DAB1: variants seen among roughly 807,000 people sequenced by gnomAD.
The protein encoded by DAB1 is disabled homolog 1.
A neutral mutation model predicts 64.6 loss-of-function variants in DAB1; 15 were observed. That is an observed-to-expected ratio of 0.23 (90% CI 0.16 to 0.36). The LOEUF (loss-of-function observed/expected upper bound fraction) is 0.36. DAB1 is among the 10% of genes least tolerant of loss of function. The probability of loss-of-function intolerance (pLI) is 1.00; values close to 1 mark genes in which losing one functional copy is unlikely to be tolerated. For missense variants in DAB1, 596 were observed against 706.7 expected (o/e 0.84, Z 1.78); for synonymous variants, 235 against 251.9 (o/e 0.93, Z 0.64).
At chr1:58,203,372 C>T (rs1233926294) in intron 4 of DAB1, among the ~76,000 whole-genome samples, 1 of 152,264 alleles carries the variant, frequency 6.6e-6, no homozygotes, top group East Asian at 1.9e-4. Context: ...ATAGACAACA[C>T]CCTCATATTT....
At chr1:57,515,688 T>A (rs1308592678) in intron 7 of DAB1, among the ~76,000 whole-genome samples, 1 of 152,232 alleles carries the variant, frequency 6.6e-6, no homozygotes, top group Admixed American at 6.5e-5. Context: ...GGGTTTCCAG[T>A]TACCATTCAT....
At chr1:57,415,053 C>T (rs1244471394) in intron 1 of DAB1, among the ~76,000 whole-genome samples, 1 of 152,094 alleles carries the variant, frequency 6.6e-6, no homozygotes, top group Non-Finnish European at 1.5e-5. Flanking sequence ...AGCCAAGACA[C>T]TCTTGAGACA....
chr1:57,134,312 C>A (rs577331028), intron 4 of DAB1, among the ~76,000 whole-genome samples: 2 of 152,138 alleles, frequency 1.3e-5, no homozygotes, highest in Admixed American at 6.5e-5. Flanking sequence ...AGGCTGGGCG[C>A]GGTGGCTCAT....
intron 6 of DAB1, among the ~76,000 whole-genome samples, chr1:57,679,846 A>G (rs1387288138): frequency 3.3e-5 from 5 of 152,196 alleles, no homozygotes; most frequent in African/African-American, 1.2e-4. Flanking sequence ...CAGGCACTGT[A>G]CTAAGTTCCT....
At chr1:58,387,717 CTT>C (rs57961202) in intron 3 of DAB1, among the ~76,000 whole-genome samples, 5 of 102,876 alleles carry the variant, frequency 4.9e-5, no homozygotes, top group Admixed American at 9.2e-5. Context: ...TTTTTCTTTT[CTT>C]TTCTTTTTTT....
In DAB1 at chr1:57,215,369, G is replaced by A. The variant is rs115855227; in HGVS notation, c.68-69940C>T. On this transcript the variant is annotated intron_variant, in intron 2 of 14. Coordinates refer to ENST00000371236, the MANE Select transcript of DAB1 (RefSeq NM_001365792.1). Reference sequence around the variant, plus strand: ...CAAACCATTTCCGTTATTTGACACCGCATTCAGAACATGGGAGAAGAGGAA... The same window carrying A: ...CAAACCATTTCCGTTATTTGACACCACATTCAGAACATGGGAGAAGAGGAA... 6.0e-3 allele frequency among the ~76,000 whole-genome samples: 911 copies of A among 152,254 alleles called. 14 individuals are homozygous for A. Among genetic ancestry groups the A allele is most frequent in the African/African-American group, 0.018 (749 of 41,548 alleles).
chr1:57,279,087 G>A (rs897090367), intron 2 of DAB1, among the ~76,000 whole-genome samples: 8 of 152,180 alleles, frequency 5.3e-5, no homozygotes, highest in African/African-American at 1.4e-4. Context: ...GGGAATTTGC[G>A]AAATTTCCTG....
intron 2 of DAB1, among the ~76,000 whole-genome samples, chr1:58,523,042 T>TC (rs1448385126): frequency 6.6e-6 from 1 of 152,186 alleles, no homozygotes; most frequent in Non-Finnish European, 1.5e-5. Context: ...ATAATCAGAA[T>TC]CCTTCTGCTA....
At chr1:57,984,251 AG>A (rs1186370034) in intron 5 of DAB1, among the ~76,000 whole-genome samples, 131 of 148,242 alleles carry the variant, frequency 8.8e-4, no homozygotes, top group Middle Eastern at 3.5e-3. Context: ...AAAGAAAGAA[AG>A]AAAGAAAGAA....
At chr1:57,709,275 C>G (rs1260978391) in intron 6 of DAB1, among the ~76,000 whole-genome samples, 1 of 152,062 alleles carries the variant, frequency 6.6e-6, no homozygotes, top group Non-Finnish European at 1.5e-5. Context: ...CTATTTAATC[C>G]AGTCATGGAG....
chr1:57,092,118 C>T (rs1214555514), intron 4 of DAB1, among the ~76,000 whole-genome samples: 2 of 152,188 alleles, frequency 1.3e-5, no homozygotes, highest in Admixed American at 6.5e-5. Flanking sequence ...TAAACCATGC[C>T]GTTAGAAAGA....
intron 1 of DAB1, among the ~76,000 whole-genome samples, chr1:57,828,091 G>A (rs866531830): frequency 1.3e-5 from 2 of 151,962 alleles, no homozygotes; most frequent in Non-Finnish European, 1.5e-5. Flanking sequence ...GACTACAGGC[G>A]CCCACCACCA....
chr1:58,447,402 CAAAGAT>C (rs1557765045), intron 3 of DAB1, among the ~76,000 whole-genome samples: 2 of 114,010 alleles, frequency 1.8e-5, no homozygotes, highest in East Asian at 3.9e-4. Flanking sequence ...AGAAAGGACA[CAAAGAT>C]AAACTTTCCT....
At chr1:57,037,520 T>C (rs1647210443) in intron 9 of DAB1, among the ~76,000 whole-genome samples, 1 of 152,226 alleles carries the variant, frequency 6.6e-6, no homozygotes, top group South Asian at 2.1e-4. Context: ...AAAATTCAAT[T>C]ATCCATTTAG....
chr1:57,248,079 C>T (rs1669023885), intron 2 of DAB1, among the ~76,000 whole-genome samples: 1 of 152,124 alleles, frequency 6.6e-6, no homozygotes, highest in African/African-American at 2.4e-5. Context: ...TGCTCAAGTC[C>T]CTGACATAAA....
chr1:57,171,592 T>C (rs1308175914), intron 2 of DAB1, among the ~76,000 whole-genome samples: 1 of 152,174 alleles, frequency 6.6e-6, no homozygotes, highest in African/African-American at 2.4e-5. Flanking sequence ...GTTCTTACTG[T>C]CAAATCTTCC....
intron 3 of DAB1, among the ~76,000 whole-genome samples, chr1:58,346,890 CTAAACTTAGAG>C (rs1218683149): frequency 6.6e-6 from 1 of 152,160 alleles, no homozygotes; most frequent in Non-Finnish European, 1.5e-5. Context: ...AGTGAAAGGA[CTAAACTTAGAG>C]TCAGATTGCA....
chr1:57,029,396 G>T (rs776866109), intron 9 of DAB1, among the ~76,000 whole-genome samples: 1 of 152,236 alleles, frequency 6.6e-6, no homozygotes, highest in Non-Finnish European at 1.5e-5. Flanking sequence ...TGCTAGGGCA[G>T]TGTGGAAGGG....
At chr1:57,517,898 C>A (rs113406197) in intron 7 of DAB1, among the ~76,000 whole-genome samples, 4,320 of 152,272 alleles carry the variant, frequency 0.028, 75 homozygotes, top group South Asian at 0.068. Flanking sequence ...AACTTAAAGG[C>A]CTTAAAGGCC....
Sources: allele counts gnomAD v4.1 joint callset (sites outside exome capture counted in the v4.1 genomes callset), GRCh38; gene constraint gnomAD v4.1.1; transcripts MANE v1.5; gene names NCBI Gene and HGNC (gene_info 2026-07-23, HGNC 2026-07-21).